Variants in JAKMIP2 observed in about 807,000 individuals in gnomAD.
JAKMIP2 encodes janus kinase and microtubule interacting protein 2.
Under a neutral mutation model 115.0 loss-of-function variants are expected in JAKMIP2, and 25 were observed. The observed-to-expected ratio is 0.22, with a 90% confidence interval of 0.16 to 0.30. The LOEUF is 0.30. JAKMIP2 is among the 10% of genes least tolerant of loss of function. JAKMIP2 has a pLI of 1.00. For missense variants in JAKMIP2, 642 were observed against 957.6 expected (o/e 0.67, Z 4.35); for synonymous variants, 334 against 343.6 (o/e 0.97, Z 0.31).
intron 1 of JAKMIP2, among the ~76,000 whole-genome samples, chr5:147,706,064 T>G (rs1284815292): frequency 6.6e-6 from 1 of 152,186 alleles, no homozygotes; most frequent in African/African-American, 2.4e-5. Flanking sequence ...ATTATGCAAT[T>G]ATAGTATTGC....
chr5:147,640,786 T>C lies in JAKMIP2; in HGVS notation c.1319A>G (p.Asp440Gly), dbSNP rs1384246956. ...GGATGATGTCTCTGAATCCATAGAGTCCTCATCATAGCCAATAAACGGGTC... is the reference window on the plus strand; with the variant it reads ...GGATGATGTCTCTGAATCCATAGAGCCCTCATCATAGCCAATAAACGGGTC... ...VLDPFIGYDEDSMDSETSSMA... is the reference protein window; with the variant it reads ...VLDPFIGYDEGSMDSETSSMA... The change falls in exon 9 of 22, where the codon GAC becomes GGC. Residue 440 changes from aspartate to glycine, a missense_variant. This residue lies in a region of JAKMIP2 where 439 missense variants were observed against 570.9 expected (regional missense o/e 0.77). Transcript: ENST00000616793. 6.2e-7 allele frequency: 1 copy of C among 1,613,230 alleles called. No individual in the cohort carries two copies. Among genetic ancestry groups the C allele is most frequent in the East Asian group, 2.2e-5 (1 of 44,812 alleles).
At chr5:147,619,716 ATCT>A (rs919187343) in intron 18 of JAKMIP2, among the ~76,000 whole-genome samples, 7 of 152,090 alleles carry the variant, frequency 4.6e-5, no homozygotes. Flanking sequence ...AATCAGCATA[ATCT>A]TCTGTGGGAG....
chr5:147,676,583 T>C (rs1023142333), intron 1 of JAKMIP2, among the ~76,000 whole-genome samples: 2 of 152,204 alleles, frequency 1.3e-5, no homozygotes. Context: ...CAGGCAGCAG[T>C]AGCCCCAGGC....
intron 19 of JAKMIP2, among the ~76,000 whole-genome samples, chr5:147,616,927 T>C (rs1365522082): frequency 2.0e-5 from 3 of 152,160 alleles, no homozygotes; most frequent in Non-Finnish European, 4.4e-5. Context: ...CCTGCCTCTT[T>C]TCCACTTACC....
At chr5:147,771,642 GT>G (rs1755361302) in intron 1 of JAKMIP2, among the ~76,000 whole-genome samples, 1 of 152,018 alleles carries the variant, frequency 6.6e-6, no homozygotes, top group African/African-American at 2.4e-5. Context: ...TGCATTCATA[GT>G]TTAGGGCCAT....
chr5:147,669,010 G>T (rs1284381461), intron 2 of JAKMIP2, among the ~76,000 whole-genome samples: 1 of 152,052 alleles, frequency 6.6e-6, no homozygotes, highest in Admixed American at 6.5e-5. Flanking sequence ...AATGAATACT[G>T]CCCCATTACC....
In JAKMIP2 at chr5:147,638,042, G is replaced by T. The variant is rs766204520; in HGVS notation, c.1531-994C>A. Among the ~76,000 whole-genome samples, 14 of 152,128 alleles carry T rather than the reference G, an allele frequency of 9.2e-5. No homozygotes were observed. In the East Asian group the frequency reaches 2.3e-3, roughly 25 times the overall value. ...TAAATATTACATTTACCTCTATCAGGTCCAAAAAATAATTAATTTTGCTAA... is the reference window on the plus strand; with the variant it reads ...TAAATATTACATTTACCTCTATCAGTTCCAAAAAATAATTAATTTTGCTAA... On this transcript the variant is annotated intron_variant, in intron 10 of 21. Coordinates refer to ENST00000616793, the MANE Select transcript of JAKMIP2 (RefSeq NM_001270941.2).
chr5:147,782,687 C>G lies in JAKMIP2; in HGVS notation c.-380G>C. Reference sequence around the variant, plus strand: ...GCGGCAGCAGCAGCAGCAGCAGCATCACCAGTTGGGCCTCCTCCCTCTCGG... The same window carrying G: ...GCGGCAGCAGCAGCAGCAGCAGCATGACCAGTTGGGCCTCCTCCCTCTCGG... On this transcript the variant is annotated 5_prime_UTR_variant, in exon 1 of 22. Transcript: ENST00000616793. 1 of 652,350 alleles carries G rather than the reference C, an allele frequency of 1.5e-6. No individual in the cohort carries two copies. Among genetic ancestry groups the G allele is most frequent in the Non-Finnish European group, 2.8e-6 (1 of 357,564 alleles). The allele number at this position is 652,350 out of a possible 1,614,324, so 40.4% of individuals were successfully genotyped here. A position where few individuals can be genotyped will look rare whatever the true frequency, so the allele number is the denominator to read the frequency against.
chr5:147,600,421 G>C (rs550595856), intron 21 of JAKMIP2, among the ~76,000 whole-genome samples: 5 of 152,038 alleles, frequency 3.3e-5, no homozygotes, highest in Admixed American at 6.5e-5. Flanking sequence ...TCCATATCCA[G>C]GTAACAGATC....
intron 1 of JAKMIP2, among the ~76,000 whole-genome samples, chr5:147,716,820 C>G (rs1266151973): frequency 0.018 from 2,589 of 145,606 alleles, 62 homozygotes; most frequent in African/African-American, 0.062. Flanking sequence ...ATGGTAGTTT[C>G]TTTTGCTGTG....
At position 147,640,718 on chromosome 5, in the gene JAKMIP2, C is replaced by G; in HGVS notation, c.1387G>C (p.Asp463His). The G allele has an allele frequency of 6.2e-7, 1 of 1,613,688 alleles. No individual in the cohort carries two copies. Among genetic ancestry groups the G allele is most frequent in the Non-Finnish European group, 8.5e-7 (1 of 1,179,738 alleles). The change falls in exon 9 of 22, where the codon GAT becomes CAT. Residue 463 changes from aspartate (D) to histidine (H), a missense_variant. Physicochemically the swap from Asp to His is moderately conservative, Grantham distance 81 (BLOSUM62 -1). Around this residue, in one of 6 missense-constraint regions of JAKMIP2, gnomAD observed 439 missense variants for 570.9 expected, o/e 0.77. Coordinates refer to ENST00000616793, the MANE Select transcript of JAKMIP2 (RefSeq NM_001270941.2). ...RTDRTPATPD[D>H]DLDESLAAEE... is the part of the protein sequence containing the mutation. Reference sequence around the variant, plus strand: ...GAAAAGCTTACTTCATCCAAGTCATCATCAGGAGTAGCTGGTGTTCTGTCT... The same window carrying G: ...GAAAAGCTTACTTCATCCAAGTCATGATCAGGAGTAGCTGGTGTTCTGTCT...
chr5:147,692,069 T>C (rs2126862543), intron 1 of JAKMIP2, among the ~76,000 whole-genome samples: 1 of 152,292 alleles, frequency 6.6e-6, no homozygotes, highest in East Asian at 1.9e-4. Flanking sequence ...GTTTAAGTCC[T>C]AACTCCCAGT....
intron 21 of JAKMIP2, among the ~76,000 whole-genome samples, chr5:147,597,722 G>T (rs963538038): frequency 6.6e-6 from 1 of 152,124 alleles, no homozygotes; most frequent in Non-Finnish European, 1.5e-5. Flanking sequence ...GTCTCCCTGT[G>T]TAACCATGTA....
intron 1 of JAKMIP2, among the ~76,000 whole-genome samples, chr5:147,676,658 C>T (rs985057203): frequency 6.6e-6 from 1 of 152,208 alleles, no homozygotes; most frequent in African/African-American, 2.4e-5. Flanking sequence ...TATCCCTAAT[C>T]AGGCACCTCC....
chr5:147,652,904 T>C (rs1758478093), intron 3 of JAKMIP2, among the ~76,000 whole-genome samples: 1 of 152,124 alleles, frequency 6.6e-6, no homozygotes, highest in East Asian at 1.9e-4. Context: ...TTCCCCTCCC[T>C]TGTCCATGTG....
intron 21 of JAKMIP2, among the ~76,000 whole-genome samples, chr5:147,592,102 G>A (rs539493478): frequency 1.2e-4 from 18 of 152,230 alleles, no homozygotes; most frequent in African/African-American, 4.3e-4. Flanking sequence ...TGGTTACATG[G>A]ATATATTTCA....
intron 2 of JAKMIP2, among the ~76,000 whole-genome samples, chr5:147,663,392 C>A (rs7703612): frequency 3.9e-5 from 6 of 151,960 alleles, no homozygotes; most frequent in African/African-American, 1.5e-4. Context: ...AAAGACTAGA[C>A]TCACTTAGCC....
chr5:147,720,640 T>C (rs1383463303), intron 1 of JAKMIP2, among the ~76,000 whole-genome samples: 1 of 152,174 alleles, frequency 6.6e-6, no homozygotes, highest in Admixed American at 6.5e-5. Flanking sequence ...GTTGATGGCA[T>C]TGGCTCCTGA....
chr5:147,774,771 A>C (rs1389448892), intron 1 of JAKMIP2, among the ~76,000 whole-genome samples: 1 of 152,096 alleles, frequency 6.6e-6, no homozygotes, highest in African/African-American at 2.4e-5. Flanking sequence ...GCGGGTAAAA[A>C]ACAATTGCCT....
Sources: gnomAD v4.1 joint callset for allele counts (sites outside exome capture counted in the v4.1 genomes callset) on GRCh38, gnomAD v4.1.1 for gene constraint, gnomAD v4.1.1 regional missense constraint, MANE v1.5 for transcripts, NCBI Gene and HGNC (gene_info 2026-07-23, HGNC 2026-07-21) for gene names.